Variants in ATCAY observed in about 807,000 individuals in gnomAD.
The protein encoded by ATCAY is caytaxin.
ATCAY carries 22 observed loss-of-function variants against 47.7 expected under a neutral mutation model. The observed-to-expected ratio is 0.46, with a 90% CI of 0.33 to 0.66. The LOEUF (loss-of-function observed/expected upper bound fraction) is 0.66, where lower values mean the gene tolerates loss of function less well. Among genes scored for constraint, ATCAY ranks in the 30% least tolerant of loss-of-function variants. ATCAY has a pLI of 0.02. For synonymous variants in ATCAY, 216 were observed against 207.6 expected (o/e 1.04, Z -0.35); for missense variants, 452 against 515.0 (o/e 0.88, Z 1.18).
chr19:3,904,639 C>T (rs1385617164), intron 3 of ATCAY, among the ~76,000 whole-genome samples: 1 of 151,576 alleles, frequency 6.6e-6, no homozygotes, highest in Non-Finnish European at 1.5e-5. Context: ...TATGTATACA[C>T]ACACACACAC....
chr19:3,900,052 G>T (rs1157119295), intron 2 of ATCAY, among the ~76,000 whole-genome samples: 2 of 151,922 alleles, frequency 1.3e-5, no homozygotes, highest in African/African-American at 4.8e-5. Flanking sequence ...CACAATTGAT[G>T]AATCAATATT....
chr19:3,884,923 C>T (rs2038634746), intron 1 of ATCAY, among the ~76,000 whole-genome samples: 1 of 151,422 alleles, frequency 6.6e-6, no homozygotes, highest in Non-Finnish European at 1.5e-5. Context: ...ATAGCAAGAC[C>T]CAATCTCTTA....
At chr19:3,905,850 G>C (rs930370386) in intron 4 of ATCAY, among the ~76,000 whole-genome samples, 195 bp downstream of exon 4, 1 of 152,020 alleles carries the variant, frequency 6.6e-6, no homozygotes, top group Non-Finnish European at 1.5e-5. Context: ...AACAGAGTGA[G>C]ACCCTGTCTC....
intron 6 of ATCAY, 99 bp from the exon 7 acceptor site, chr19:3,909,387 G>A: frequency 6.9e-7 from 1 of 1,449,738 alleles, no homozygotes; most frequent in Non-Finnish European, 9.4e-7. Context: ...GGCTGACCCA[G>A]CCAGCGGCAG....
At chr19:3,886,054 C>G (rs2038649868) in intron 2 of ATCAY, among the ~76,000 whole-genome samples, 2 of 152,208 alleles carry the variant, frequency 1.3e-5, no homozygotes. Context: ...TAGTCCTGGC[C>G]AGGCACATAA....
intron 2 of ATCAY, among the ~76,000 whole-genome samples, chr19:3,886,408 T>C (rs537798733): frequency 2.8e-4 from 42 of 152,150 alleles, no homozygotes; most frequent in East Asian, 9.8e-4. Context: ...CTGGCTAACA[T>C]GGTGAAACTC....
intron 9 of ATCAY, among the ~76,000 whole-genome samples, chr19:3,914,151 G>A (rs1021934272): frequency 4.2e-5 from 6 of 142,038 alleles, no homozygotes; most frequent in Non-Finnish European, 6.0e-5. Context: ...CAGGAGAATG[G>A]CGTGAACCCC....
At chr19:3,887,517 C>T (rs1310877008) in intron 2 of ATCAY, among the ~76,000 whole-genome samples, 3 of 150,552 alleles carry the variant, frequency 2.0e-5, no homozygotes, top group African/African-American at 4.9e-5. Context: ...GACAGAGTGT[C>T]GCTTTGTCGC....
At chr19:3,918,160 G>A (rs535202710) in intron 10 of ATCAY, among the ~76,000 whole-genome samples, 74 of 152,152 alleles carry the variant, frequency 4.9e-4, no homozygotes, top group African/African-American at 1.8e-3. Context: ...TGAGGCAGGA[G>A]GATTGTGTGA....
At position 3,914,235 on chromosome 19, in the gene ATCAY, C is replaced by CAAAAAAAAAAAAAAAAAAAAAAA. The variant is rs56742726; in HGVS notation, c.965+394_965+395insAAAAAAAAAAAAAAAAAAAAAAA. ...TGGGCCACAGAGCGAGACTCCATCGCAAAAAAAAAAAAAAAGGGCTAACGG... is the reference window on the plus strand; with the variant it reads ...TGGGCCACAGAGCGAGACTCCATCGCAAAAAAAAAAAAAAAAAAAAAAAAAAAAAAAAAAAAAAGGGCTAACGG... On this transcript the variant is annotated intron_variant, in intron 9 of 12. Coordinates refer to ENST00000450849, the MANE Select transcript of ATCAY (RefSeq NM_033064.5). Among the ~76,000 whole-genome samples, 4 of 62,568 alleles carry CAAAAAAAAAAAAAAAAAAAAAAA rather than the reference C, an allele frequency of 6.4e-5. 1 individual carries two copies. Among genetic ancestry groups the CAAAAAAAAAAAAAAAAAAAAAAA allele is most frequent in the African/African-American group, 3.1e-4 (3 of 9,562 alleles). 41.0% of individuals were successfully genotyped at this position (62,568 alleles called of 152,430 possible).
At chr19:3,894,941 C>T (rs1210655832) in intron 2 of ATCAY, among the ~76,000 whole-genome samples, 2 of 121,822 alleles carry the variant, frequency 1.6e-5, no homozygotes, top group Admixed American at 1.8e-4. Context: ...AGAGCAAGAC[C>T]CTGTCTCAAA....
chr19:3,890,591 T>A (rs2038708924), intron 2 of ATCAY, among the ~76,000 whole-genome samples: 1 of 151,934 alleles, frequency 6.6e-6, no homozygotes, highest in Non-Finnish European at 1.5e-5. Context: ...AGCTCTCATC[T>A]CACCCAAGCC....
intron 12 of ATCAY, among the ~76,000 whole-genome samples, chr19:3,921,337 C>T (rs961546508): frequency 6.6e-6 from 1 of 150,408 alleles, no homozygotes; most frequent in African/African-American, 2.4e-5. Context: ...ATGGCAAGAC[C>T]CCGTCCCTAA....
intron 2 of ATCAY, among the ~76,000 whole-genome samples, chr19:3,892,008 G>A (rs1483963363): frequency 6.6e-6 from 1 of 152,014 alleles, no homozygotes; most frequent in Non-Finnish European, 1.5e-5. Flanking sequence ...TCCTGCCTCA[G>A]CCTCCCAAAT....
At chr19:3,908,421 T>G in intron 6 of ATCAY, 51 bp downstream of exon 6, 1 of 1,454,208 alleles carries the variant, frequency 6.9e-7, no homozygotes, top group Non-Finnish European at 9.5e-7. Context: ...GATGCCTCCC[T>G]GGCCACAGGG....
chr19:3,914,223 G>A (rs192094331), intron 9 of ATCAY, among the ~76,000 whole-genome samples: 956 of 68,594 alleles, frequency 0.014, 17 homozygotes, highest in African/African-American at 0.081. Context: ...GCCACAGAGC[G>A]AGACTCCATC....
intron 6 of ATCAY, among the ~76,000 whole-genome samples, 191 bp from the exon 7 acceptor site, chr19:3,909,295 T>G (rs1194015302): frequency 6.8e-6 from 1 of 146,986 alleles, no homozygotes; most frequent in Non-Finnish European, 1.5e-5. Context: ...CCGCTGACAC[T>G]CATGTGGAGT....
intron 2 of ATCAY, among the ~76,000 whole-genome samples, chr19:3,901,585 GA>G (rs1395204301): frequency 6.6e-6 from 1 of 152,078 alleles, no homozygotes; most frequent in Non-Finnish European, 1.5e-5. Context: ...TGATGCTGGG[GA>G]AAAACCTTCA....
intron 2 of ATCAY, among the ~76,000 whole-genome samples, chr19:3,889,581 A>C (rs938023219): frequency 6.6e-6 from 1 of 152,118 alleles, no homozygotes; most frequent in Admixed American, 6.6e-5. Context: ...ACAACAGAGC[A>C]AGACTGCATA....
Sources: allele counts gnomAD v4.1 joint callset (sites outside exome capture counted in the v4.1 genomes callset), GRCh38; gene constraint gnomAD v4.1.1; transcripts MANE v1.5; gene names NCBI Gene and HGNC (gene_info 2026-07-23, HGNC 2026-07-21).